CFTR: variants seen among roughly 807,000 people sequenced by gnomAD.
The protein encoded by CFTR is cystic fibrosis transmembrane conductance regulator.
A neutral mutation model predicts 171.6 loss-of-function variants in CFTR; 181 were observed. That is an observed-to-expected ratio of 1.05 (90% CI 0.93 to 1.19). CFTR has a LOEUF of 1.19. Among genes scored for constraint, CFTR ranks in the 50% most tolerant of loss-of-function variants. CFTR has a pLI of 0.00. For synonymous variants in CFTR, 583 were observed against 608.0 expected (o/e 0.96, Z 0.60); for missense variants, 1,968 against 1,734.7 (o/e 1.13, Z -2.39).
At position 117,535,321 on chromosome 7, in the gene CFTR, T is replaced by A. The variant is rs397508777; in HGVS notation, c.653T>A (p.Leu218Ter). ...CTCCTCATGGGGCTAATCTGGGAGT[T>A]GTTACAGGCGTCTGCCTTCTGTGGA... ...VALLMGLIWE[L>*]LQASAFCGLG... Residue 218 changes from leucine (L) to a stop codon, truncating the protein, a stop_gained, in exon 6 of 27, where the codon TTG becomes TAG. Coordinates refer to ENST00000003084, the MANE Select transcript of CFTR (RefSeq NM_000492.4). LOFTEE classifies it high-confidence loss of function. 14 of 1,614,124 alleles carry A rather than the reference T, an allele frequency of 8.7e-6. No homozygotes were observed. In the South Asian group the frequency reaches 1.5e-4, roughly 18 times the overall value.
Position 117,611,611 on chromosome 7 carries a change from C to T in CFTR, c.3170C>T (p.Thr1057Ile). 6.2e-7 allele frequency: 1 copy of T among 1,612,520 alleles called. No individual in the cohort carries two copies. The highest frequency in any genetic ancestry group is 8.5e-7 in the Non-Finnish European group (1 of 1,178,862). Residue 1057 changes from threonine (T) to isoleucine (I), a missense_variant, in exon 20 of 27, where the codon ACA becomes ATA. By Grantham distance (89) the Thr-to-Ile change is moderately conservative (BLOSUM62 -1). Coordinates refer to ENST00000003084, the MANE Select transcript of CFTR (RefSeq NM_000492.4). Reference protein sequence around the residue: ...GRSPIFTHLVTSLKGLWTLRA... With the variant: ...GRSPIFTHLVISLKGLWTLRA... ...AGTCCAATTTTCACTCATCTTGTTA[C>T]AAGCTTAAAAGGACTATGGACACTT...
chr7:117,538,428 C>G (rs1442499958), intron 7 of CFTR, among the ~76,000 whole-genome samples: 2 of 152,076 alleles, frequency 1.3e-5, no homozygotes, highest in Non-Finnish European at 2.9e-5. Context: ...CTGGGTGATT[C>G]TTACAAATGT....
chr7:117,532,681 G>A (rs1798883205), intron 4 of CFTR, among the ~76,000 whole-genome samples: 1 of 152,152 alleles, frequency 6.6e-6, no homozygotes, highest in African/African-American at 2.4e-5. Flanking sequence ...CAGGATATAG[G>A]TGCTTTCAGA....
chr7:117,602,163 G>C (rs1196505641), intron 15 of CFTR, among the ~76,000 whole-genome samples: 2 of 152,186 alleles, frequency 1.3e-5, no homozygotes, highest in African/African-American at 4.8e-5. Flanking sequence ...CACCTGAGTA[G>C]TTGGGATCAC....
In CFTR at chr7:117,627,570, G is replaced by A. The variant is rs368393738; in HGVS notation, c.3517G>A (p.Gly1173Ser). The A allele has an allele frequency of 1.8e-5, 29 of 1,613,284 alleles. No homozygotes were observed. The African/African-American group carries it at 2.4e-4, about 13-fold the overall frequency. ...TAAGTTCATTGACATGCCAACAGAA[G>A]GTAAACCTACCAAGTCAACCAAACC... Reference protein sequence around the residue: ...VFKFIDMPTEGKPTKSTKPYK... With the variant: ...VFKFIDMPTESKPTKSTKPYK... The change falls in exon 22 of 27, where the codon GGT (glycine) becomes AGT (serine). Residue 1173 changes from glycine to serine, a missense_variant. Physicochemically the swap from Gly to Ser is moderately conservative, Grantham distance 56 (BLOSUM62 0). Transcript: ENST00000003084.
Position 117,592,628 on chromosome 7 carries a change from A to C in CFTR, c.2461A>C (p.Ser821Arg), listed in dbSNP as rs1792051387. ...RLSQETGLEI[S>R]EEINEEDLKE... Reference sequence around the variant, plus strand: ...ATCTCAAGAAACTGGCTTGGAAATAAGTGAAGAAATTAACGAAGAAGACTT... The same window carrying C: ...ATCTCAAGAAACTGGCTTGGAAATACGTGAAGAAATTAACGAAGAAGACTT... The change falls in exon 14 of 27, where the codon AGT becomes CGT. Residue 821 changes from serine (S) to arginine (R), a missense_variant. Coordinates refer to ENST00000003084, the MANE Select transcript of CFTR (RefSeq NM_000492.4). 6.5e-7 allele frequency: 1 copy of C among 1,540,970 alleles called. No homozygotes were observed. Among genetic ancestry groups the C allele is most frequent in the African/African-American group, 1.4e-5 (1 of 72,192 alleles).
At position 117,557,936 on chromosome 7, in the gene CFTR, A is replaced by G. The variant is rs886182463; in HGVS notation, c.1393-1528A>G. Reference sequence around the variant, plus strand: ...ATACTTTGGAATTTGTTAAAAAAAGATTTTTATAAAAAATAATTGTGGTGA... The same window carrying G: ...ATACTTTGGAATTTGTTAAAAAAAGGTTTTTATAAAAAATAATTGTGGTGA... On this transcript the variant is annotated intron_variant, in intron 10 of 26. Transcript: ENST00000003084. Among the ~76,000 whole-genome samples, 8 of 152,286 alleles carry G rather than the reference A, an allele frequency of 5.3e-5. No individual in the cohort carries two copies. In the East Asian group the frequency reaches 7.7e-4, roughly 15 times the overall value.
chr7:117,626,724 T>A (rs887321928), intron 21 of CFTR, among the ~76,000 whole-genome samples: 1 of 152,130 alleles, frequency 6.6e-6, no homozygotes, highest in Non-Finnish European at 1.5e-5. Context: ...TATGCCAAGT[T>A]GTTTTTAAAA....
intron 3 of CFTR, among the ~76,000 whole-genome samples, chr7:117,518,925 T>C (rs1172441938): frequency 6.6e-6 from 1 of 152,188 alleles, no homozygotes; most frequent in African/African-American, 2.4e-5. Context: ...TTAAAATTAA[T>C]ATTTTAACAC....
chr7:117,585,202 A>G (rs913608744), intron 11 of CFTR, among the ~76,000 whole-genome samples: 1 of 150,242 alleles, frequency 6.7e-6, no homozygotes, highest in African/African-American at 2.5e-5. Flanking sequence ...CTCTGCACAC[A>G]TTTATTTATT....
At chr7:117,515,764 T>G (rs36057583) in intron 3 of CFTR, among the ~76,000 whole-genome samples, 99 of 152,336 alleles carry the variant, frequency 6.5e-4, no homozygotes, top group African/African-American at 2.3e-3. Context: ...GTTCACAATA[T>G]TGATTCTTTC....
intron 3 of CFTR, among the ~76,000 whole-genome samples, chr7:117,524,927 A>G (rs1798750677): frequency 6.6e-6 from 1 of 152,244 alleles, no homozygotes; most frequent in Non-Finnish European, 1.5e-5. Flanking sequence ...ATAAAATTTA[A>G]AAACCTCAAA....
At chr7:117,665,285 T>C (rs577403000) in intron 25 of CFTR, among the ~76,000 whole-genome samples, 174 bp from the exon 26 acceptor site, 2 of 152,330 alleles carry the variant, frequency 1.3e-5, no homozygotes, top group Admixed American at 1.3e-4. Context: ...ATACTTAGAG[T>C]CTACCCCATG....
intron 2 of CFTR, among the ~76,000 whole-genome samples, chr7:117,504,756 T>TAA (rs372341779): frequency 0.19 from 22,418 of 120,780 alleles, 2,047 homozygotes; most frequent in Non-Finnish European, 0.22. Context: ...CCTCTCTCTC[T>TAA]AAAAAAAAAA....
At chr7:117,540,074 A>T (rs1445291286) in intron 7 of CFTR, 26 bp from the exon 8 acceptor site, 1 of 1,592,682 alleles carries the variant, frequency 6.3e-7, no homozygotes, top group Non-Finnish European at 8.6e-7. Flanking sequence ...TAACATCCTG[A>T]ATTTTATTGT....
intron 4 of CFTR, 23 bp from the exon 5 acceptor site, chr7:117,534,253 C>T (rs1449710820): frequency 7.9e-6 from 9 of 1,145,504 alleles, no homozygotes; most frequent in Non-Finnish European, 1.2e-5. Context: ...TTGAAATTAT[C>T]TAACTTTCCA....
At chr7:117,564,722 G>T (rs900139027) in intron 11 of CFTR, 1 of 166,972 alleles carries the variant, frequency 6.0e-6, no homozygotes, top group Non-Finnish European at 1.5e-5. Flanking sequence ...TTGTGTTTTT[G>T]TTCAACTCTA....
At position 117,590,370 on chromosome 7, in the gene CFTR, C is replaced by A. The variant is rs1375786834; in HGVS notation, c.1697C>A (p.Ala566Asp). 6.2e-7 allele frequency: 1 copy of A among 1,602,872 alleles called. No homozygotes were observed. The highest frequency in any genetic ancestry group is 8.5e-7 in the Non-Finnish European group (1 of 1,172,122). The stretch of plus-strand genomic sequence containing the variant: ...CTTTTTAGAGCAGTATACAAAGATG[C>A]TGATTTGTATTTATTAGACTCTCCT... Reference protein sequence around the residue: ...ISLARAVYKDADLYLLDSPFG... With the variant: ...ISLARAVYKDDDLYLLDSPFG... Residue 566 changes from alanine to aspartate, a missense_variant, in exon 13 of 27, where the codon GCT becomes GAT. Physicochemically the swap from Ala to Asp is moderately radical, Grantham distance 126. Transcript: ENST00000003084.
At chr7:117,624,948 A>G (rs1053043316) in intron 21 of CFTR, among the ~76,000 whole-genome samples, 2 of 152,172 alleles carry the variant, frequency 1.3e-5, no homozygotes, top group South Asian at 2.1e-4. Flanking sequence ...TTCCAGAGGT[A>G]CTGGAGGTAG....
Sources: allele counts gnomAD v4.1 joint callset (sites outside exome capture counted in the v4.1 genomes callset), GRCh38; gene constraint gnomAD v4.1.1; transcripts MANE v1.5; gene names NCBI Gene and HGNC (gene_info 2026-07-23, HGNC 2026-07-21).